ROCK1: variants seen among roughly 807,000 people sequenced by gnomAD.
The protein encoded by ROCK1 is rho-associated protein kinase 1.
A neutral mutation model predicts 196.8 loss-of-function variants in ROCK1; 36 were observed. That is an observed-to-expected ratio of 0.18 (90% CI 0.14 to 0.24). ROCK1 has a LOEUF of 0.24. ROCK1 is among the 10% of genes least tolerant of loss of function. The probability of loss-of-function intolerance (pLI) is 1.00; values close to 1 mark genes in which losing one functional copy is unlikely to be tolerated. For synonymous variants in ROCK1, 443 were observed against 515.9 expected (o/e 0.86, Z 1.91); for missense variants, 920 against 1,562.0 (o/e 0.59, Z 6.93).
chr18:21,110,906 G>A lies in ROCK1; in HGVS notation c.5C>T (p.Ser2Leu). 6.2e-7 allele frequency: 1 copy of A among 1,613,290 alleles called. No homozygotes were observed. The highest frequency in any genetic ancestry group is 1.1e-5 in the South Asian group (1 of 91,048). ...TCGAGTCTCAAAACTGTCCCCAGTCGACATGTTGCTGCTGCTGTGACAATG... is the reference window on the plus strand; with the variant it reads ...TCGAGTCTCAAAACTGTCCCCAGTCAACATGTTGCTGCTGCTGTGACAATG... M[S>L]TGDSFETRFE... Residue 2 changes from serine to leucine, a missense_variant, in exon 1 of 33, where the codon TCG becomes TTG. By Grantham distance (145) the Ser-to-Leu change is moderately radical. This residue lies in a region of ROCK1 where 234 missense variants were observed against 460.7 expected (regional missense o/e 0.51). Transcript: ENST00000399799.
intron 12 of ROCK1, among the ~76,000 whole-genome samples, chr18:21,016,785 T>C (rs1379105079): frequency 6.6e-6 from 1 of 152,204 alleles, no homozygotes; most frequent in East Asian, 1.9e-4. Flanking sequence ...AGGAACTTCT[T>C]TTGAAAACAG....
intron 16 of ROCK1, among the ~76,000 whole-genome samples, chr18:21,005,166 G>C (rs1017187265): frequency 3.9e-5 from 6 of 152,168 alleles, no homozygotes; most frequent in Non-Finnish European, 8.8e-5. Flanking sequence ...AGTAGGTAAA[G>C]CCAGGAATCT....
intron 1 of ROCK1, among the ~76,000 whole-genome samples, chr18:21,091,707 A>G (rs1442590394): frequency 6.6e-6 from 1 of 152,226 alleles, no homozygotes; most frequent in Non-Finnish European, 1.5e-5. Flanking sequence ...AGAGTGGCTC[A>G]CACCTGTAAT....
Position 20,982,786 on chromosome 18 carries a change from G to T in ROCK1, c.2536C>A (p.Leu846Ile). Residue 846 changes from leucine (L) to isoleucine (I), a missense_variant, in exon 21 of 33, where the codon CTT becomes ATT. Coordinates refer to ENST00000399799, the MANE Select transcript of ROCK1 (RefSeq NM_005406.3). ...ACCGAGAAATATTGCTCAGCTTCAA[G>T]CTGATCTTGTAGCTCCCGCATCTGT... ...EGQMRELQDQLEAEQYFSTLY... is the reference protein window; with the variant it reads ...EGQMRELQDQIEAEQYFSTLY... 1 of 1,576,610 alleles carries T rather than the reference G, an allele frequency of 6.3e-7. No homozygotes were observed. The highest frequency in any genetic ancestry group is 8.7e-7 in the Non-Finnish European group (1 of 1,147,102).
intron 1 of ROCK1, among the ~76,000 whole-genome samples, chr18:21,080,024 A>C (rs1408084332): frequency 1.3e-5 from 2 of 152,156 alleles, no homozygotes; most frequent in Non-Finnish European, 2.9e-5. Context: ...CCCATCTAGA[A>C]AGAGAAGTGA....
rs1285925316 is a variant in ROCK1, at chr18:21,007,970, TTCATGTATGTA to T, written c.1546+78_1546+88del. 2.1e-5 allele frequency: 19 copies of T among 925,030 alleles called. No individual in the cohort carries two copies. In the Admixed American group the frequency reaches 6.4e-4, roughly 31 times the overall value. The allele number at this position is 925,030 out of a possible 1,614,324, so 57.3% of individuals were successfully genotyped here. ...TTATAAAGTGTCTTAGGATTGTAGC[TTCATGTATGTA>T]TCATGGACACTAAATTAAAGACAAC... On this transcript the variant is annotated intron_variant, in intron 14 of 32. Coordinates refer to ENST00000399799, the MANE Select transcript of ROCK1 (RefSeq NM_005406.3).
In ROCK1 at chr18:20,984,246, C is replaced by A. The variant is rs1486574137; in HGVS notation, c.2489+105G>T. On this transcript the variant is annotated intron_variant, in intron 20 of 32. Transcript: ENST00000399799. ...TTCTAAATACTTTTTTTCTGTCTTT[C>A]ACAAACTCTAAGTACATAATCTGTA... is the stretch of plus-strand genomic sequence containing the variant. The A allele has an allele frequency of 5.9e-6, 5 of 850,506 alleles. No individual in the cohort carries two copies. In the African/African-American group the frequency reaches 8.8e-5, roughly 15 times the overall value. 52.7% of individuals were successfully genotyped at this position (850,506 alleles called of 1,614,324 possible).
intron 16 of ROCK1, among the ~76,000 whole-genome samples, chr18:21,002,380 AT>A (rs1482924605): frequency 6.6e-6 from 1 of 152,214 alleles, no homozygotes; most frequent in African/African-American, 2.4e-5. Flanking sequence ...ATTAAGAATA[AT>A]GCAAAGGGCT....
intron 16 of ROCK1, among the ~76,000 whole-genome samples, chr18:20,997,504 T>C (rs1344879082): frequency 1.3e-5 from 2 of 152,144 alleles, no homozygotes; most frequent in Admixed American, 1.3e-4. Context: ...AAAGCAGATA[T>C]TGTTAGAGCT....
intron 1 of ROCK1, among the ~76,000 whole-genome samples, chr18:21,076,672 T>C (rs1445592704): frequency 1.4e-5 from 2 of 146,166 alleles, no homozygotes; most frequent in African/African-American, 5.1e-5. Context: ...TCTTGGTACA[T>C]ACACACACAC....
chr18:20,949,642 AG>A lies in ROCK1; in HGVS notation c.*1741del, dbSNP rs1298324334. ...CAGAGCCTCTGCTTCCCTGATGTGT[AG>A]AAATGCAAGAGACCCATGGAGAATT... On this transcript the variant is annotated 3_prime_UTR_variant, in exon 33 of 33. Coordinates refer to ENST00000399799, the MANE Select transcript of ROCK1 (RefSeq NM_005406.3). 1 of 152,292 alleles carries A rather than the reference AG, an allele frequency of 6.6e-6. No homozygotes were observed. Among genetic ancestry groups the A allele is most frequent in the Non-Finnish European group, 1.5e-5 (1 of 68,046 alleles). 9.4% of individuals were successfully genotyped at this position (152,292 alleles called of 1,614,324 possible).
chr18:21,110,967 A>G lies in ROCK1; in HGVS notation c.-57T>C. 2.8e-6 allele frequency: 4 copies of G among 1,447,036 alleles called. No homozygotes were observed. Among genetic ancestry groups the G allele is most frequent in the Non-Finnish European group, 3.9e-6 (4 of 1,029,974 alleles). 89.6% of individuals were successfully genotyped at this position (1,447,036 alleles called of 1,614,324 possible). On this transcript the variant is annotated 5_prime_UTR_variant, in exon 1 of 33. Coordinates refer to ENST00000399799, the MANE Select transcript of ROCK1 (RefSeq NM_005406.3). ...AGCACCAGCAGCGGAAAGCAATTTC[A>G]ACCAACTTCCTCCGCGGTGGGTTCG...
chr18:21,065,531 C>A, intron 2 of ROCK1, among the ~76,000 whole-genome samples: 1 of 152,056 alleles, frequency 6.6e-6, no homozygotes, highest in Non-Finnish European at 1.5e-5. Flanking sequence ...ACCCTAAAGT[C>A]TCTGTGACAT....
intron 2 of ROCK1, among the ~76,000 whole-genome samples, chr18:21,054,460 C>T (rs757509176): frequency 2.0e-5 from 3 of 152,078 alleles, no homozygotes; most frequent in Non-Finnish European, 2.9e-5. Flanking sequence ...GGCACTGCTT[C>T]CCCACAGCTC....
intron 1 of ROCK1, among the ~76,000 whole-genome samples, chr18:21,103,139 G>A (rs979271762): frequency 2.6e-5 from 4 of 151,956 alleles, no homozygotes. Context: ...TACTAGAGAA[G>A]AAAATCATAT....
chr18:21,010,079 T>C (rs1199630016), intron 13 of ROCK1, among the ~76,000 whole-genome samples: 1 of 152,212 alleles, frequency 6.6e-6, no homozygotes, highest in Non-Finnish European at 1.5e-5. Context: ...TGGTAATTTG[T>C]GTCCTCTCTT....
Position 20,950,994 on chromosome 18 carries a change from TG to T in ROCK1, c.*389del, listed in dbSNP as rs2035181394. The T allele has an allele frequency of 5.8e-6, 1 of 173,328 alleles. No individual in the cohort carries two copies. The highest frequency in any genetic ancestry group is 6.3e-5 in the Admixed American group (1 of 15,956). 10.7% of individuals were successfully genotyped at this position (173,328 alleles called of 1,614,324 possible). On this transcript the variant is annotated 3_prime_UTR_variant, in exon 33 of 33. Transcript: ENST00000399799. ...TATTTTCTTTACTCCTTCCATGAGC[TG>T]ATCTTGATAGTGATGGCTGTTCCAC...
intron 16 of ROCK1, among the ~76,000 whole-genome samples, chr18:20,993,260 G>A (rs1291950046): frequency 6.6e-6 from 1 of 152,170 alleles, no homozygotes; most frequent in East Asian, 1.9e-4. Flanking sequence ...CTGGAGTGCA[G>A]TGGCACAAGC....
At chr18:21,061,759 G>A (rs1598548464) in intron 2 of ROCK1, among the ~76,000 whole-genome samples, 1 of 152,100 alleles carries the variant, frequency 6.6e-6, no homozygotes, top group East Asian at 1.9e-4. Flanking sequence ...TGTTTTAGCT[G>A]GAAACTAAGG....
Sources: gnomAD v4.1 joint callset for allele counts (sites outside exome capture counted in the v4.1 genomes callset) on GRCh38, gnomAD v4.1.1 for gene constraint, gnomAD v4.1.1 regional missense constraint, MANE v1.5 for transcripts, NCBI Gene and HGNC (gene_info 2026-07-23, HGNC 2026-07-21) for gene names.